ATF6: variants seen among roughly 807,000 people sequenced by gnomAD.
ATF6 encodes the protein activating transcription factor 6.
Under a neutral mutation model 83.6 loss-of-function variants are expected in ATF6, and 53 were observed. The ratio of observed to expected loss-of-function variants is 0.63; its 90% CI spans 0.51 to 0.80. The LOEUF is 0.80. Ranked by LOEUF, ATF6 falls within the 30% of genes least tolerant of loss-of-function variation. The pLI is 0.00. For missense variants in ATF6, 744 were observed against 797.9 expected, an observed-to-expected ratio of 0.93 and a Z score of 0.81; for synonymous variants, 288 against 285.8, an observed-to-expected ratio of 1.01 and a Z score of -0.08.
chr1:161,907,826 G>C (rs1410753418), intron 14 of ATF6, among the ~76,000 whole-genome samples: 1 of 152,136 alleles, frequency 6.6e-6, no homozygotes. Flanking sequence ...ACTCTTCAGA[G>C]TTCCATGTTG....
chr1:161,912,710 A>G (rs1688015932), intron 15 of ATF6, among the ~76,000 whole-genome samples: 1 of 152,160 alleles, frequency 6.6e-6, no homozygotes, highest in Non-Finnish European at 1.5e-5. Flanking sequence ...GTGAATTTGT[A>G]AATTAGATTT....
At chr1:161,819,285 C>T (rs1685691673) in intron 7 of ATF6, among the ~76,000 whole-genome samples, 1 of 151,666 alleles carries the variant, frequency 6.6e-6, no homozygotes. Context: ...TGGGGCATAG[C>T]CATTTAAGGG....
At chr1:161,935,809 T>C (rs1688523553) in intron 15 of ATF6, among the ~76,000 whole-genome samples, 1 of 152,222 alleles carries the variant, frequency 6.6e-6, no homozygotes, top group African/African-American at 2.4e-5. Flanking sequence ...AAAGCATTCA[T>C]AATAGGTTCT....
rs1571267334 is a variant in ATF6, at chr1:161,961,616, C to G, written c.*2962C>G. The G allele has an allele frequency of 6.7e-6, 1 of 149,484 alleles. No individual in the cohort carries two copies. Among genetic ancestry groups the G allele is most frequent in the East Asian group, 2.0e-4 (1 of 5,118 alleles). 9.3% of individuals were successfully genotyped at this position (149,484 alleles called of 1,614,324 possible). A position where few individuals can be genotyped will look rare whatever the true frequency, so the allele number is the denominator to read the frequency against. Reference sequence around the variant, plus strand: ...TGGGATTGCCTTTTGGGGGTTGCAGCCAGAAATTGTGGGTAATGTGTGTAT... The same window carrying G: ...TGGGATTGCCTTTTGGGGGTTGCAGGCAGAAATTGTGGGTAATGTGTGTAT... On this transcript the variant is annotated 3_prime_UTR_variant, in exon 16 of 16. Coordinates refer to ENST00000367942, the MANE Select transcript of ATF6 (RefSeq NM_007348.4).
intron 1 of ATF6, among the ~76,000 whole-genome samples, chr1:161,770,157 A>G (rs1032943938): frequency 2.0e-5 from 3 of 152,096 alleles, no homozygotes; most frequent in Non-Finnish European, 4.4e-5. Context: ...AGAATGTCAT[A>G]TAGTTGGAAT....
intron 7 of ATF6, among the ~76,000 whole-genome samples, chr1:161,812,644 G>A (rs1380959955): frequency 2.6e-5 from 4 of 151,792 alleles, no homozygotes; most frequent in Non-Finnish European, 1.5e-5. Flanking sequence ...CACCCGCCTC[G>A]GCCTCCCAAA....
At chr1:161,868,483 A>G (rs996643461) in intron 14 of ATF6, among the ~76,000 whole-genome samples, 5 of 152,054 alleles carry the variant, frequency 3.3e-5, no homozygotes, top group Admixed American at 2.6e-4. Context: ...CCATCTTCTC[A>G]TCTATATGAT....
chr1:161,894,049 T>G (rs1687616599), intron 14 of ATF6, among the ~76,000 whole-genome samples: 1 of 152,162 alleles, frequency 6.6e-6, no homozygotes, highest in Non-Finnish European at 1.5e-5. Context: ...TCTGCAAAAA[T>G]TAATCTCTTT....
chr1:161,806,997 T>G (rs1685299164), intron 7 of ATF6, among the ~76,000 whole-genome samples: 2 of 152,062 alleles, frequency 1.3e-5, no homozygotes, highest in Admixed American at 1.3e-4. Context: ...AACATGAGCT[T>G]GGAGAATCTA....
chr1:161,900,971 G>A (rs950411726), intron 14 of ATF6, among the ~76,000 whole-genome samples: 4 of 152,062 alleles, frequency 2.6e-5, no homozygotes, highest in African/African-American at 7.2e-5. Context: ...ATGGTGTTAT[G>A]TAAACATATG....
At chr1:161,939,997 C>A (rs1254162913) in intron 15 of ATF6, among the ~76,000 whole-genome samples, 4 of 152,178 alleles carry the variant, frequency 2.6e-5, no homozygotes, top group Non-Finnish European at 1.5e-5. Flanking sequence ...AGATTTGTAG[C>A]TATTTCCTGA....
chr1:161,813,625 A>C lies in ATF6; in HGVS notation c.910-6008A>C, dbSNP rs975187447. Among the ~76,000 whole-genome samples the C allele has an allele frequency of 2.6e-5, 4 of 152,112 alleles. No homozygotes were observed. In the South Asian group the frequency reaches 8.3e-4, roughly 32 times the overall value. On this transcript the variant is annotated intron_variant, in intron 7 of 15. Coordinates refer to ENST00000367942, the MANE Select transcript of ATF6 (RefSeq NM_007348.4). ...CAAATTGTTTTTGAAGGCTGTGGTG[A>C]TTTACTAAATTGATAAACCTGATAT...
At chr1:161,844,820 T>C (rs1686443773) in intron 9 of ATF6, among the ~76,000 whole-genome samples, 1 of 152,180 alleles carries the variant, frequency 6.6e-6, no homozygotes, top group Non-Finnish European at 1.5e-5. Context: ...TGTTTTCTGC[T>C]TCTCTCATGT....
chr1:161,924,575 T>C (rs1287748085), intron 15 of ATF6, among the ~76,000 whole-genome samples: 1 of 152,234 alleles, frequency 6.6e-6, no homozygotes, highest in Non-Finnish European at 1.5e-5. Flanking sequence ...ATATGTATTA[T>C]TAATTTTACA....
chr1:161,894,958 G>C (rs1039154785), intron 14 of ATF6, among the ~76,000 whole-genome samples: 6 of 151,798 alleles, frequency 4.0e-5, no homozygotes, highest in African/African-American at 1.5e-4. Flanking sequence ...TTAATTTCAG[G>C]CCAGATGCAG....
At chr1:161,901,659 A>G (rs1687790108) in intron 14 of ATF6, among the ~76,000 whole-genome samples, 1 of 152,134 alleles carries the variant, frequency 6.6e-6, no homozygotes, top group Non-Finnish European at 1.5e-5. Context: ...ACCCTCATGC[A>G]GGTAAGTAGT....
Position 161,819,623 on chromosome 1 carries a change from C to T in ATF6, c.910-10C>T. The T allele has an allele frequency of 1.3e-6, 2 of 1,555,124 alleles. No individual in the cohort carries two copies. The highest frequency in any genetic ancestry group is 1.2e-5 in the South Asian group (1 of 80,160). Reference sequence around the variant, plus strand: ...ACCAGGGTATTCTGATTCATTATAACTTTTTCTAGATTGCTGTGCTAAGGA... The same window carrying T: ...ACCAGGGTATTCTGATTCATTATAATTTTTTCTAGATTGCTGTGCTAAGGA... On this transcript the variant is annotated splice_polypyrimidine_tract_variant and intron_variant, in intron 7 of 15. Coordinates refer to ENST00000367942, the MANE Select transcript of ATF6 (RefSeq NM_007348.4).
intron 9 of ATF6, among the ~76,000 whole-genome samples, chr1:161,833,839 A>G (rs1282894016): frequency 6.6e-6 from 1 of 152,218 alleles, no homozygotes; most frequent in Non-Finnish European, 1.5e-5. Context: ...TCTGCAGGAT[A>G]TTATCCAGGA....
intron 1 of ATF6, among the ~76,000 whole-genome samples, chr1:161,771,605 C>CT (rs1257249930): frequency 2.6e-5 from 4 of 151,994 alleles, no homozygotes; most frequent in Admixed American, 2.6e-4. Flanking sequence ...CTCTCTTTCA[C>CT]TTTTCTTTTT....
Sources: gnomAD v4.1 joint callset for allele counts (sites outside exome capture counted in the v4.1 genomes callset) on GRCh38, gnomAD v4.1.1 for gene constraint, MANE v1.5 for transcripts, NCBI Gene and HGNC (gene_info 2026-07-23, HGNC 2026-07-21) for gene names.